The following DIAPH2 variants were observed in gnomAD, a reference collection of about 807,000 sequenced individuals.
DIAPH2 encodes the protein diaphanous related formin 2, also known as protein diaphanous homolog 2.
DIAPH2 carries 35 observed loss-of-function variants against 92.7 expected under a neutral mutation model. The observed-to-expected ratio is 0.38, with a 90% CI of 0.29 to 0.50. The LOEUF (loss-of-function observed/expected upper bound fraction) is 0.50, where lower values mean the gene tolerates loss of function less well. DIAPH2 is among the 20% of genes least tolerant of loss of function. DIAPH2 has a pLI of 0.94. For missense variants in DIAPH2, 701 were observed against 819.5 expected (o/e 0.86, Z 1.77); for synonymous variants, 301 against 280.4 (o/e 1.07, Z -0.73).
chrX:97,570,088 A>AT (rs2071354728), intron 26 of DIAPH2, among the ~76,000 whole-genome samples: 1 of 27,540 alleles, frequency 3.6e-5, no homozygotes, highest in Non-Finnish European at 6.8e-5. Context: ...ATATATATAT[A>AT]TATATATATA....
intron 26 of DIAPH2, among the ~76,000 whole-genome samples, chrX:97,491,546 G>A (rs1293406989): frequency 9.0e-6 from 1 of 110,771 alleles, no homozygotes; most frequent in African/African-American, 3.3e-5. Flanking sequence ...AAGTAGCTGG[G>A]ACTACAGGCG....
chrX:96,927,346 A>T (rs760269565), intron 9 of DIAPH2, among the ~76,000 whole-genome samples: 27 of 103,003 alleles, frequency 2.6e-4, no homozygotes, highest in Non-Finnish European at 4.5e-4. Flanking sequence ...AATAGAGTAC[A>T]CTCATCTCTT....
intron 26 of DIAPH2, among the ~76,000 whole-genome samples, chrX:97,567,341 C>T (rs1229517834): frequency 8.9e-6 from 1 of 112,016 alleles, no homozygotes; most frequent in African/African-American, 3.2e-5. Context: ...AAGTTTAAGC[C>T]TGTGATTGCC....
At chrX:96,697,252 C>T (rs1181713947) in intron 1 of DIAPH2, among the ~76,000 whole-genome samples, 1 of 109,325 alleles carries the variant, frequency 9.1e-6, no homozygotes, top group African/African-American at 3.3e-5. Flanking sequence ...TCAGTTTTAA[C>T]TAATTTCATC....
intron 17 of DIAPH2, among the ~76,000 whole-genome samples, chrX:97,072,189 A>C (rs776884472): frequency 9.0e-6 from 1 of 111,370 alleles, no homozygotes; most frequent in South Asian, 3.8e-4. Context: ...CTACTTGGGG[A>C]GTTGGCTGAT....
At chrX:96,892,101 A>C (rs1464909807) in intron 5 of DIAPH2, among the ~76,000 whole-genome samples, 1 of 112,249 alleles carries the variant, frequency 8.9e-6, no homozygotes, top group African/African-American at 3.2e-5. Flanking sequence ...GGTCTTAATA[A>C]GTATTTAAAC....
chrX:97,513,828 A>T (rs2070915793), intron 26 of DIAPH2, among the ~76,000 whole-genome samples: 1 of 101,237 alleles, frequency 9.9e-6, no homozygotes, highest in Admixed American at 1.1e-4. Flanking sequence ...AAGAATGTTG[A>T]ATATTGGCCC....
At chrX:97,515,147 C>G (rs1360499224) in intron 26 of DIAPH2, among the ~76,000 whole-genome samples, 3 of 112,150 alleles carry the variant, frequency 2.7e-5, no homozygotes, top group African/African-American at 6.5e-5. Context: ...GACTGCTGTG[C>G]TAGCAATCAG....
intron 4 of DIAPH2, among the ~76,000 whole-genome samples, chrX:96,868,572 T>C (rs1180977264): frequency 1.8e-5 from 2 of 111,743 alleles, no homozygotes; most frequent in African/African-American, 6.5e-5. Flanking sequence ...GCAGACCTTC[T>C]TCCCCCGCAT....
rs775800070 is a variant in DIAPH2, at chrX:96,961,099, A to T, written c.1935+2951A>T. ...CGTATTGGGGTAATGCTGGCCTCGT[A>T]GGATGAGTTAGGAAGAATTTCCTGC... On this transcript the variant is annotated intron_variant, in intron 16 of 26. Coordinates refer to ENST00000324765, the MANE Select transcript of DIAPH2 (RefSeq NM_006729.5). Among the ~76,000 whole-genome samples the T allele has an allele frequency of 2.4e-4, 27 of 111,663 alleles. No individual in the cohort carries two copies. The South Asian group carries it at 6.0e-3, about 25-fold the overall frequency.
intron 20 of DIAPH2, among the ~76,000 whole-genome samples, chrX:97,112,375 G>A (rs1297428987): frequency 9.0e-6 from 1 of 111,124 alleles, no homozygotes. Flanking sequence ...CTCCCTAAAC[G>A]TAAAATGATA....
At chrX:97,151,772 C>T in intron 22 of DIAPH2, among the ~76,000 whole-genome samples, 1 of 111,429 alleles carries the variant, frequency 9.0e-6, no homozygotes, top group South Asian at 3.8e-4. Context: ...AGCTTTAGCT[C>T]ATTGTGGATT....
At chrX:97,108,218 A>C (rs938931906) in intron 20 of DIAPH2, among the ~76,000 whole-genome samples, 3 of 111,014 alleles carry the variant, frequency 2.7e-5, no homozygotes, top group African/African-American at 9.8e-5. Context: ...AATGAGAGCC[A>C]CTTGATGTGA....
chrX:96,786,411 T>G (rs4969692), intron 4 of DIAPH2, among the ~76,000 whole-genome samples: 1 of 111,497 alleles, frequency 9.0e-6, no homozygotes, highest in East Asian at 2.9e-4. Flanking sequence ...TGTGAAGAGC[T>G]GGGATTGTAA....
At chrX:97,489,613 A>T (rs1486863221) in intron 26 of DIAPH2, among the ~76,000 whole-genome samples, 1 of 110,686 alleles carries the variant, frequency 9.0e-6, no homozygotes, top group Admixed American at 9.6e-5. Context: ...AATTCCTTGT[A>T]TGTCTAATTT....
At chrX:97,544,364 T>TATC (rs1929327809) in intron 26 of DIAPH2, among the ~76,000 whole-genome samples, 2 of 112,185 alleles carry the variant, frequency 1.8e-5, no homozygotes, top group African/African-American at 6.5e-5. Flanking sequence ...TGACATAGAG[T>TATC]ATCTCAAACC....
At chrX:97,599,167 T>C (rs2071575211) in intron 26 of DIAPH2, 86 bp from the exon 27 acceptor site, 3 of 633,372 alleles carry the variant, frequency 4.7e-6, no homozygotes, top group South Asian at 5.9e-5. Context: ...CAGGACTATT[T>C]GAAAACCTTT....
At chrX:96,938,523 C>T (rs5966786) in intron 11 of DIAPH2, among the ~76,000 whole-genome samples, 3 of 111,567 alleles carry the variant, frequency 2.7e-5, no homozygotes, top group Non-Finnish European at 5.7e-5. Flanking sequence ...AGTAAGCCAT[C>T]GTATGCTTAA....
intron 17 of DIAPH2, among the ~76,000 whole-genome samples, chrX:96,967,881 G>A (rs1569437978): frequency 8.9e-6 from 1 of 111,763 alleles, no homozygotes; most frequent in Non-Finnish European, 1.9e-5. Context: ...TCTTTTGGGG[G>A]AAATGATTTC....
Sources: allele counts gnomAD v4.1 joint callset (sites outside exome capture counted in the v4.1 genomes callset), GRCh38; gene constraint gnomAD v4.1.1; transcripts MANE v1.5; gene names NCBI Gene and HGNC (gene_info 2026-07-23, HGNC 2026-07-21).